LRRN1: variants seen among roughly 807,000 people sequenced by gnomAD.
LRRN1 encodes the protein leucine rich repeat neuronal 1.
A neutral mutation model predicts 45.8 loss-of-function variants in LRRN1; 14 were observed. The observed-to-expected ratio is 0.31, with a 90% CI of 0.20 to 0.48. LRRN1 has a LOEUF of 0.48. LRRN1 is among the 20% of genes least tolerant of loss of function. LRRN1 has a pLI of 0.99. For missense variants in LRRN1, 789 were observed against 874.2 expected (o/e 0.90, Z 1.23); for synonymous variants, 359 against 330.1 (o/e 1.09, Z -0.95).
At chr3:3,824,664 T>A (rs1693177649) in intron 1 of LRRN1, among the ~76,000 whole-genome samples, 1 of 152,158 alleles carries the variant, frequency 6.6e-6, no homozygotes, top group Non-Finnish European at 1.5e-5. Flanking sequence ...ATCCCTAAAT[T>A]GAGTGATGTT....
intron 1 of LRRN1, among the ~76,000 whole-genome samples, chr3:3,825,412 A>T (rs1037577307): frequency 1.3e-5 from 2 of 152,238 alleles, no homozygotes; most frequent in Non-Finnish European, 2.9e-5. Context: ...AGGGAGAATC[A>T]AAAGATCACT....
Position 3,802,259 on chromosome 3 carries a change from G to A in LRRN1, c.-279+2340G>A, listed in dbSNP as rs137913604. ...CACTGTTCACCTCTTGGCGTTGTGC[G>A]ACAGCTGAACAAAAGGCAGGCAGTG... On this transcript the variant is annotated intron_variant, in intron 1 of 1. Transcript: ENST00000319331. Among the ~76,000 whole-genome samples, 50 of 152,312 alleles carry A rather than the reference G, an allele frequency of 3.3e-4. No individual in the cohort carries two copies. The East Asian group carries it at 9.5e-3, about 29-fold the overall frequency.
rs184503214 is a variant in LRRN1 at position 3,841,005 on chromosome 3, A to T, written c.-278-3359A>T. Among the ~76,000 whole-genome samples the T allele has an allele frequency of 4.4e-3, 674 of 152,324 alleles. 4 individuals carry two copies. Among genetic ancestry groups the T allele is most frequent in the African/African-American group, 0.016 (652 of 41,568 alleles). ...ATTTCCTTACATTCAATAGAAACATAAAAATTAGTTGAGGCTGGGTGCGGT... is the reference window on the plus strand; with the variant it reads ...ATTTCCTTACATTCAATAGAAACATTAAAATTAGTTGAGGCTGGGTGCGGT... On this transcript the variant is annotated intron_variant, in intron 1 of 1. Transcript: ENST00000319331.
intron 1 of LRRN1, among the ~76,000 whole-genome samples, chr3:3,815,575 ATAAAC>A (rs1204200799): frequency 6.6e-6 from 1 of 152,206 alleles, no homozygotes; most frequent in African/African-American, 2.4e-5. Context: ...TGAAGTGAAA[ATAAAC>A]TAACTACTTG....
At chr3:3,836,637 C>G (rs1263290277) in intron 1 of LRRN1, among the ~76,000 whole-genome samples, 1 of 152,060 alleles carries the variant, frequency 6.6e-6, no homozygotes, top group Non-Finnish European at 1.5e-5. Flanking sequence ...CTTCCAATAC[C>G]CTTCCCTCCT....
rs376271760 is a variant in LRRN1, at chr3:3,845,462, C to T, written c.821C>T (p.Pro274Leu). 6.2e-7 allele frequency: 1 copy of T among 1,613,992 alleles called. No homozygotes were observed. The highest frequency in any genetic ancestry group is 8.5e-7 in the Non-Finnish European group (1 of 1,180,036). ...AAATTCTTAGACCTCAACAAAAACC[C>T]CATTCACAAAATCCAAGAAGGGGAC... Reference protein sequence around the residue: ...NLKFLDLNKNPIHKIQEGDFK... With the variant: ...NLKFLDLNKNLIHKIQEGDFK... The change falls in exon 2 of 2, where the codon CCC (proline) becomes CTC (leucine). Residue 274 changes from proline (P) to leucine (L), a missense_variant. Transcript: ENST00000319331. The surrounding 1 kb of genome is among the most constrained non-coding windows in gnomAD (Gnocchi z 6.5).
chr3:3,822,357 A>T (rs1693121817), intron 1 of LRRN1, among the ~76,000 whole-genome samples: 1 of 152,206 alleles, frequency 6.6e-6, no homozygotes, highest in Admixed American at 6.5e-5. Flanking sequence ...GCAAGGTTAG[A>T]AAATAACTCA....
At chr3:3,836,605 T>G (rs1693520924) in intron 1 of LRRN1, among the ~76,000 whole-genome samples, 2 of 152,148 alleles carry the variant, frequency 1.3e-5, no homozygotes, top group Admixed American at 6.5e-5. Context: ...TTTTACTGAT[T>G]GGCACAAGAT....
intron 1 of LRRN1, among the ~76,000 whole-genome samples, chr3:3,837,510 C>T (rs1245942947): frequency 2.0e-5 from 3 of 152,050 alleles, no homozygotes; most frequent in Non-Finnish European, 4.4e-5. Context: ...ATTTTCTACC[C>T]TTTCTACAAT....
At chr3:3,836,234 T>C (rs1693509461) in intron 1 of LRRN1, among the ~76,000 whole-genome samples, 1 of 152,256 alleles carries the variant, frequency 6.6e-6, no homozygotes, top group Non-Finnish European at 1.5e-5. Flanking sequence ...TTACCATCTC[T>C]CAATTTTAAG....
At chr3:3,812,083 T>C (rs1371449901) in intron 1 of LRRN1, among the ~76,000 whole-genome samples, 1 of 152,260 alleles carries the variant, frequency 6.6e-6, no homozygotes, top group Non-Finnish European at 1.5e-5. Flanking sequence ...ATGACAGTCA[T>C]TCACTGCAAT....
intron 1 of LRRN1, among the ~76,000 whole-genome samples, chr3:3,808,376 G>A (rs1008203808): frequency 5.3e-5 from 8 of 152,132 alleles, no homozygotes; most frequent in Non-Finnish European, 1.0e-4. Flanking sequence ...TATAGCTCAG[G>A]AAACTAAGGC....
At chr3:3,808,152 A>G (rs1164917340) in intron 1 of LRRN1, among the ~76,000 whole-genome samples, 2 of 152,144 alleles carry the variant, frequency 1.3e-5, no homozygotes, top group African/African-American at 2.4e-5. Flanking sequence ...TATGCAAATG[A>G]GATGCTTTAG....
rs142381203 is a variant in LRRN1, at chr3:3,845,194, C to T, written c.553C>T (p.Arg185Cys). ...NSNKLKVIDS[R>C]WFDSTPNLEI... The stretch of plus-strand genomic sequence containing the variant: ...CAACAAATTGAAAGTTATTGATAGT[C>T]GCTGGTTTGATTCTACACCCAACCT... The change falls in exon 2 of 2, where the codon CGC becomes TGC. Residue 185 changes from arginine (R) to cysteine (C), a missense_variant. Transcript: ENST00000319331. The surrounding 1 kb of genome is among the most constrained non-coding windows in gnomAD (Gnocchi z 6.5). 1,113 of 1,614,158 alleles carry T rather than the reference C, an allele frequency of 6.9e-4. 1 individual carries two copies. The highest frequency in any genetic ancestry group is 8.6e-4 in the Non-Finnish European group (1,017 of 1,180,026).
intron 1 of LRRN1, among the ~76,000 whole-genome samples, chr3:3,805,530 C>T (rs532604830): frequency 1.3e-4 from 20 of 152,226 alleles, no homozygotes; most frequent in Middle Eastern, 3.4e-3. Flanking sequence ...CAGAGTTGTG[C>T]GTTAAAGGAT....
intron 1 of LRRN1, chr3:3,800,943 C>G (rs997705735): frequency 1.3e-5 from 2 of 152,350 alleles, no homozygotes; most frequent in Non-Finnish European, 2.9e-5. Flanking sequence ...GCCGACTCGG[C>G]GCTTCCCCGC....
intron 1 of LRRN1, among the ~76,000 whole-genome samples, chr3:3,835,915 T>A (rs932561697): frequency 1.4e-4 from 21 of 152,172 alleles, no homozygotes; most frequent in African/African-American, 5.1e-4. Flanking sequence ...TGTGGGACTC[T>A]TGAAATGCAT....
intron 1 of LRRN1, among the ~76,000 whole-genome samples, chr3:3,830,053 A>G (rs1429714578): frequency 6.6e-6 from 1 of 152,088 alleles, no homozygotes; most frequent in Non-Finnish European, 1.5e-5. Flanking sequence ...GCCCATGTTT[A>G]ACCTATATCC....
At chr3:3,819,618 T>C (rs764145694) in intron 1 of LRRN1, among the ~76,000 whole-genome samples, 1 of 152,168 alleles carries the variant, frequency 6.6e-6, no homozygotes, top group African/African-American at 2.4e-5. Context: ...CCCTCGTCTT[T>C]AAAGGACACC....
Sources: gnomAD v4.1 joint callset for allele counts (sites outside exome capture counted in the v4.1 genomes callset) on GRCh38, gnomAD v4.1.1 for gene constraint, Gnocchi (gnomAD v3.1) non-coding constraint, MANE v1.5 for transcripts, NCBI Gene and HGNC (gene_info 2026-07-23, HGNC 2026-07-21) for gene names.